TPO: variants seen among roughly 807,000 people sequenced by gnomAD.
TPO encodes thyroid microsomal antigen.
In TPO, 78 loss-of-function variants were observed where a neutral mutation model predicts 96.9. The observed-to-expected ratio is 0.81, with a 90% CI of 0.67 to 0.97. The LOEUF (loss-of-function observed/expected upper bound fraction) is 0.97, where lower values mean the gene tolerates loss of function less well. Ranked by LOEUF, TPO falls within the 50% of genes least tolerant of loss-of-function variation. The pLI, the probability that TPO is intolerant of heterozygous loss-of-function variation, is 0.00. For missense variants in TPO, 1,252 were observed against 1,274.8 expected, an observed-to-expected ratio of 0.98 and a Z score of 0.27; for synonymous variants, 547 against 538.0, an observed-to-expected ratio of 1.02 and a Z score of -0.23.
At chr2:1,506,557 C>T (rs1027572757) in intron 14 of TPO, among the ~76,000 whole-genome samples, 2 of 152,190 alleles carry the variant, frequency 1.3e-5, no homozygotes, top group African/African-American at 4.8e-5. Context: ...TGTTTCCTGA[C>T]TTTTTAATGA....
Position 1,477,102 on chromosome 2 carries a change from G to C in TPO, c.836G>C (p.Arg279Pro), listed in dbSNP as rs751212441. The C allele has an allele frequency of 6.2e-7, 1 of 1,605,352 alleles. No homozygotes were observed. Reference protein sequence around the residue: ...CFPIQLPEEARPAAGTACLPF... With the variant: ...CFPIQLPEEAPPAAGTACLPF... The stretch of plus-strand genomic sequence containing the variant: ...TGCCTGCAGCTCCCGGAGGAGGCCC[G>C]GCCGGCCGCGGGCACCGCCTGTCTG... Residue 279 changes from arginine to proline, a missense_variant, in exon 8 of 17, where the codon CGG becomes CCG. Physicochemically the swap from Arg to Pro is moderately radical, Grantham distance 103 (BLOSUM62 -2). Coordinates refer to ENST00000329066, the MANE Select transcript of TPO (RefSeq NM_001206744.2).
chr2:1,475,485 C>G (rs1032436844), intron 7 of TPO, among the ~76,000 whole-genome samples: 15 of 151,860 alleles, frequency 9.9e-5, no homozygotes, highest in Non-Finnish European at 1.3e-4. Context: ...GTACAGTGGC[C>G]CAATCTCGGC....
intron 13 of TPO, among the ~76,000 whole-genome samples, chr2:1,502,716 A>C (rs1672999459): frequency 6.6e-6 from 1 of 152,198 alleles, no homozygotes; most frequent in African/African-American, 2.4e-5. Flanking sequence ...AATGGTTGTC[A>C]TTATCAATAA....
chr2:1,418,609 T>A (rs1389891234), intron 2 of TPO, among the ~76,000 whole-genome samples: 1 of 152,204 alleles, frequency 6.6e-6, no homozygotes, highest in Non-Finnish European at 1.5e-5. Context: ...CTGAACAGAA[T>A]GTTCTTCACC....
At position 1,512,930 on chromosome 2, in the gene TPO, T is replaced by G. The variant is rs551295076; in HGVS notation, c.2519-3953T>G. Among the ~76,000 whole-genome samples the G allele has an allele frequency of 1.1e-3, 167 of 152,366 alleles. 1 individual carries two copies. Among genetic ancestry groups the G allele is most frequent in the African/African-American group, 3.5e-3 (145 of 41,594 alleles). ...AAATGACCATGGAAAATTAGGATGC[T>G]GGGCATGACCTTTCTGCATCCCTGA... On this transcript the variant is annotated intron_variant, in intron 14 of 16. Transcript: ENST00000329066.
rs1241050546 is a variant in TPO at position 1,477,378 on chromosome 2, C to T, written c.1112C>T (p.Ala371Val). The T allele has an allele frequency of 3.9e-6, 6 of 1,524,450 alleles. No individual in the cohort carries two copies. Among genetic ancestry groups the T allele is most frequent in the Middle Eastern group, 2.1e-4 (1 of 4,786 alleles). The allele number at this position is 1,524,450 out of a possible 1,614,324, so 94.4% of individuals were successfully genotyped here. The change falls in exon 8 of 17, where the codon GCG (alanine) becomes GTG (valine). Residue 371 changes from alanine (A) to valine (V), a missense_variant. Ala to Val is a moderately conservative substitution (Grantham distance 64). Coordinates refer to ENST00000329066, the MANE Select transcript of TPO (RefSeq NM_001206744.2). ...TACCTGCCCTTCGTGCCGCCACGCG[C>T]GCCTGCGGCCTGTGCGCCCGAGCCC... ...RAYLPFVPPRAPAACAPEPGI... is the reference protein window; with the variant it reads ...RAYLPFVPPRVPAACAPEPGI...
At chr2:1,400,581 A>AAAAAAAAAAAG (rs1662151412) in intron 1 of TPO, among the ~76,000 whole-genome samples, 1 of 148,306 alleles carries the variant, frequency 6.7e-6, no homozygotes, top group African/African-American at 2.6e-5. Context: ...AAAAAAAAAA[A>AAAAAAAAAAAG]AAAAAAAGAA....
chr2:1,542,053 C>A (rs1680823400), intron 16 of TPO: 1 of 320,478 alleles, frequency 3.1e-6, no homozygotes, highest in African/African-American at 2.1e-5. Context: ...GCCAGCAAGT[C>A]CCCTGGGCCC....
chr2:1,529,692 C>CA (rs1441107002), intron 15 of TPO, among the ~76,000 whole-genome samples: 4 of 90,370 alleles, frequency 4.4e-5, no homozygotes, highest in Non-Finnish European at 6.4e-5. Flanking sequence ...CTCCTCAAAT[C>CA]CCCCCACTGC....
intron 13 of TPO, among the ~76,000 whole-genome samples, chr2:1,501,173 C>T (rs1266708219): frequency 6.6e-6 from 1 of 150,948 alleles, no homozygotes; most frequent in Non-Finnish European, 1.5e-5. Flanking sequence ...TACTAATTTA[C>T]TTAGAGAAAT....
chr2:1,508,992 A>G (rs1387532259), intron 14 of TPO, among the ~76,000 whole-genome samples: 2 of 152,140 alleles, frequency 1.3e-5, no homozygotes, highest in Non-Finnish European at 2.9e-5. Context: ...TGTCAATTTT[A>G]GATCTTTCCT....
At chr2:1,384,841 T>G (rs2148348678) in intron 1 of TPO, among the ~76,000 whole-genome samples, 1 of 152,322 alleles carries the variant, frequency 6.6e-6, no homozygotes, top group African/African-American at 2.4e-5. Context: ...TGATATTGGC[T>G]GTGGGTTTGT....
Position 1,414,048 on chromosome 2 carries a change from G to A in TPO, c.-1-360G>A, listed in dbSNP as rs936219449. Among the ~76,000 whole-genome samples, 20 of 152,168 alleles carry A rather than the reference G, an allele frequency of 1.3e-4. No individual in the cohort carries two copies. The Middle Eastern group carries it at 0.01, about 78-fold the overall frequency. On this transcript the variant is annotated intron_variant, in intron 1 of 16. Transcript: ENST00000329066. ...CTTTTTGCCACATAGATGCATTAGG[G>A]GAAACAGATTTTTTTCATTCCCAAT...
At chr2:1,392,662 C>T (rs1301011366) in intron 1 of TPO, among the ~76,000 whole-genome samples, 3 of 152,166 alleles carry the variant, frequency 2.0e-5, no homozygotes, top group Non-Finnish European at 4.4e-5. Context: ...ATTATTACCT[C>T]AATTTCAGAG....
intron 1 of TPO, among the ~76,000 whole-genome samples, chr2:1,389,028 TA>T (rs1168049522): frequency 2.6e-5 from 4 of 152,232 alleles, no homozygotes; most frequent in African/African-American, 7.2e-5. Flanking sequence ...TTTTGTGTTT[TA>T]TTTTTTTGTT....
intron 7 of TPO, among the ~76,000 whole-genome samples, chr2:1,469,657 A>G (rs1425659240): frequency 2.6e-5 from 4 of 151,452 alleles, no homozygotes; most frequent in Admixed American, 6.6e-5. Flanking sequence ...TGCTTCCTCT[A>G]CTCTTGTATT....
At position 1,517,510 on chromosome 2, in the gene TPO, C is replaced by T. The variant is rs539136014; in HGVS notation, c.2618+528C>T. On this transcript the variant is annotated intron_variant, in intron 15 of 16. Transcript: ENST00000329066. The stretch of plus-strand genomic sequence containing the variant: ...GAGCCCCTCGAGGCTTCCTCAGGTG[C>T]GGCAGCTGGTCCATGTCCCTAGCCC... 5.9e-5 allele frequency among the ~76,000 whole-genome samples: 9 copies of T among 152,170 alleles called. No homozygotes were observed. In the East Asian group the frequency reaches 9.7e-4, roughly 16 times the overall value.
chr2:1,441,315 A>G lies in TPO; in HGVS notation c.482+4931A>G, dbSNP rs148237762. On this transcript the variant is annotated intron_variant, in intron 5 of 16. Transcript: ENST00000329066. ...TGCAGGACGTACCATGTTGGAAGAG[A>G]ATGGGGCTTGAGTTTGTTTTGCTTT... Among the ~76,000 whole-genome samples the G allele has an allele frequency of 2.9e-3, 440 of 152,336 alleles. 1 individual carries two copies. Among genetic ancestry groups the G allele is most frequent in the African/African-American group, 0.01 (420 of 41,570 alleles).
chr2:1,533,334 C>T, intron 15 of TPO, among the ~76,000 whole-genome samples: 1 of 104,002 alleles, frequency 9.6e-6, no homozygotes, highest in East Asian at 3.5e-4. Flanking sequence ...CTCAAATCCC[C>T]CCACTGTGTG....
Sources: gnomAD v4.1 joint callset for allele counts (sites outside exome capture counted in the v4.1 genomes callset) on GRCh38, gnomAD v4.1.1 for gene constraint, MANE v1.5 for transcripts, NCBI Gene and HGNC (gene_info 2026-07-23, HGNC 2026-07-21) for gene names.